The following HS6ST3 variants were observed in gnomAD, a reference collection of about 807,000 sequenced individuals.
HS6ST3 encodes the protein heparan-sulfate 6-O-sulfotransferase 3.
In HS6ST3, 12 loss-of-function variants were observed where a neutral mutation model predicts 36.7. That is an observed-to-expected ratio of 0.33 (90% confidence interval 0.21 to 0.53). The LOEUF is 0.53. Among genes scored for constraint, HS6ST3 ranks in the 20% least tolerant of loss-of-function variants. The probability of loss-of-function intolerance (pLI) is 0.95; values close to 1 mark genes in which losing one functional copy is unlikely to be tolerated. For missense variants in HS6ST3, 584 were observed against 640.9 expected (o/e 0.91, Z 0.96); for synonymous variants, 240 against 257.5 (o/e 0.93, Z 0.65).
At chr13:96,136,488 A>C (rs1402604430) in intron 1 of HS6ST3, among the ~76,000 whole-genome samples, 1 of 151,916 alleles carries the variant, frequency 6.6e-6, no homozygotes, top group African/African-American at 2.4e-5. Context: ...ACATCTTGTG[A>C]GGAGTCTATC....
rs187868979 is a variant in HS6ST3 at position 96,108,095 on chromosome 13, G to A, written c.707+16526G>A. On this transcript the variant is annotated intron_variant, in intron 1 of 1. Transcript: ENST00000376705. ...ACAGACTCATATTTCTCTTATTGCC[G>A]AAAACGGGTAAGAGAAATATCGCTG... 2.3e-3 allele frequency among the ~76,000 whole-genome samples: 351 copies of A among 152,258 alleles called. 2 individuals carry two copies. The highest frequency in any genetic ancestry group is 8.2e-3 in the African/African-American group (339 of 41,552).
At chr13:96,160,445 T>A (rs943033278) in intron 1 of HS6ST3, among the ~76,000 whole-genome samples, 3 of 152,244 alleles carry the variant, frequency 2.0e-5, no homozygotes, top group Admixed American at 6.5e-5. Context: ...TTCATTATGC[T>A]ATAGTAAGGG....
chr13:96,733,679 T>C (rs886633051), intron 1 of HS6ST3, among the ~76,000 whole-genome samples: 4 of 152,216 alleles, frequency 2.6e-5, no homozygotes, highest in African/African-American at 9.6e-5. Flanking sequence ...GAAATGGGTA[T>C]AATAATAAAC....
At chr13:96,743,234 C>T (rs191276419) in intron 1 of HS6ST3, among the ~76,000 whole-genome samples, 3 of 152,166 alleles carry the variant, frequency 2.0e-5, no homozygotes, top group Admixed American at 6.5e-5. Context: ...TCAGATCATT[C>T]TTTGCTCTGT....
At chr13:96,712,337 C>G (rs910440754) in intron 1 of HS6ST3, among the ~76,000 whole-genome samples, 11 of 152,132 alleles carry the variant, frequency 7.2e-5, no homozygotes, top group Admixed American at 6.5e-4. Context: ...CTTCCTAATG[C>G]TTGTAAGAAT....
At chr13:96,599,597 A>G (rs919800628) in intron 1 of HS6ST3, among the ~76,000 whole-genome samples, 1 of 150,332 alleles carries the variant, frequency 6.7e-6, no homozygotes, top group Non-Finnish European at 1.5e-5. Flanking sequence ...TTTTTGTTTC[A>G]TTGGTCCTTT....
intron 1 of HS6ST3, among the ~76,000 whole-genome samples, chr13:96,598,918 A>T (rs141568224): frequency 2.0e-5 from 3 of 152,132 alleles, no homozygotes; most frequent in African/African-American, 7.2e-5. Context: ...TTCTTCCTCT[A>T]TTGAGATGAT....
At chr13:96,496,580 C>T (rs1047905704) in intron 1 of HS6ST3, among the ~76,000 whole-genome samples, 1 of 152,150 alleles carries the variant, frequency 6.6e-6, no homozygotes, top group African/African-American at 2.4e-5. Context: ...TATGCCTGCT[C>T]GCACCTTTCT....
At chr13:96,802,112 A>G (rs1924574) in intron 1 of HS6ST3, among the ~76,000 whole-genome samples, 18,296 of 152,178 alleles carry the variant, frequency 0.12, 1,202 homozygotes, top group East Asian at 0.23. Context: ...GAAAACTCAC[A>G]GAAACCCCCC....
Position 96,091,309 on chromosome 13 carries a change from G to T in HS6ST3, c.447G>T (p.Val149=). 2 of 1,613,950 alleles carry T rather than the reference G, an allele frequency of 1.2e-6. No homozygotes were observed. The highest frequency in any genetic ancestry group is 2.2e-5 in the South Asian group (2 of 91,034). The part of the protein sequence containing the change: ...DFNIKGRDVI[V]FLHIQKTGGT... Reference sequence around the variant, plus strand: ...ACATCAAAGGGCGCGACGTGATCGTGTTCCTCCACATCCAGAAGACGGGGG... The same window carrying T: ...ACATCAAAGGGCGCGACGTGATCGTTTTCCTCCACATCCAGAAGACGGGGG... The change falls in exon 1 of 2, where the codon GTG becomes GTT. Residue 149 remains valine, a synonymous_variant. Coordinates refer to ENST00000376705, the MANE Select transcript of HS6ST3 (RefSeq NM_153456.4).
chr13:96,762,977 G>A (rs944918874), intron 1 of HS6ST3, among the ~76,000 whole-genome samples: 2 of 152,146 alleles, frequency 1.3e-5, no homozygotes, highest in African/African-American at 4.8e-5. Flanking sequence ...GAAAAAGAGA[G>A]ACTAGAATCA....
intron 1 of HS6ST3, among the ~76,000 whole-genome samples, chr13:96,443,529 CAAA>C (rs10676564): frequency 1.3e-5 from 1 of 76,494 alleles, no homozygotes; most frequent in Non-Finnish European, 2.6e-5. Context: ...GACTCCGTCT[CAAA>C]AAAAAAAAAA....
At chr13:96,168,548 A>T (rs2054171803) in intron 1 of HS6ST3, among the ~76,000 whole-genome samples, 1 of 152,030 alleles carries the variant, frequency 6.6e-6, no homozygotes, top group Admixed American at 6.6e-5. Context: ...TCTACAAAAA[A>T]TTAAAAAATT....
chr13:96,671,580 G>T (rs1417643790), intron 1 of HS6ST3, among the ~76,000 whole-genome samples: 1 of 152,100 alleles, frequency 6.6e-6, no homozygotes, highest in East Asian at 1.9e-4. Context: ...CAAGATCAGG[G>T]TGTTAGCAAG....
intron 1 of HS6ST3, among the ~76,000 whole-genome samples, chr13:96,306,978 A>G (rs1022814732): frequency 2.0e-5 from 3 of 152,174 alleles, no homozygotes; most frequent in Admixed American, 1.3e-4. Context: ...AGTAAATACA[A>G]AGGAGATTCA....
intron 1 of HS6ST3, among the ~76,000 whole-genome samples, chr13:96,226,220 T>C (rs1464994176): frequency 6.6e-6 from 1 of 152,196 alleles, no homozygotes; most frequent in Non-Finnish European, 1.5e-5. Context: ...AAGATTTTTA[T>C]GATTAAGATA....
At chr13:96,437,095 A>T (rs1024304933) in intron 1 of HS6ST3, among the ~76,000 whole-genome samples, 3 of 152,190 alleles carry the variant, frequency 2.0e-5, no homozygotes, top group Non-Finnish European at 4.4e-5. Flanking sequence ...CTCACATAAC[A>T]CAAGTCACCA....
intron 1 of HS6ST3, among the ~76,000 whole-genome samples, chr13:96,504,083 A>T (rs1323768388): frequency 6.6e-6 from 1 of 152,146 alleles, no homozygotes; most frequent in South Asian, 2.1e-4. Flanking sequence ...ATCTCCAAAT[A>T]CCATCACAGT....
At chr13:96,387,691 C>T (rs139350269) in intron 1 of HS6ST3, among the ~76,000 whole-genome samples, 1 of 152,110 alleles carries the variant, frequency 6.6e-6, no homozygotes, top group African/African-American at 2.4e-5. Flanking sequence ...CTAAATTGCT[C>T]CAATTACCCC....
Sources: allele counts gnomAD v4.1 joint callset (sites outside exome capture counted in the v4.1 genomes callset), GRCh38; gene constraint gnomAD v4.1.1; transcripts MANE v1.5; gene names NCBI Gene and HGNC (gene_info 2026-07-23, HGNC 2026-07-21).